Variants in ZFYVE9 observed in about 807,000 individuals in gnomAD.
The protein encoded by ZFYVE9 is zinc finger FYVE-type containing 9.
In ZFYVE9, 43 loss-of-function variants were observed where a neutral mutation model predicts 126.7. The ratio of observed to expected loss-of-function variants is 0.34; its 90% CI spans 0.27 to 0.44. The LOEUF (loss-of-function observed/expected upper bound fraction) is 0.44. Ranked by LOEUF, ZFYVE9 falls within the 20% of genes least tolerant of loss-of-function variation. The pLI is 1.00. For synonymous variants in ZFYVE9, 521 were observed against 597.4 expected (o/e 0.87, Z 1.87); for missense variants, 1,476 against 1,697.0 (o/e 0.87, Z 2.29).
intron 9 of ZFYVE9, among the ~76,000 whole-genome samples, chr1:52,280,003 A>G (rs1028463141): frequency 1.3e-5 from 2 of 152,092 alleles, no homozygotes; most frequent in East Asian, 3.9e-4. Context: ...AATGCTTGCT[A>G]CCTTCTAGGA....
chr1:52,309,996 C>A (rs139593786), intron 13 of ZFYVE9, among the ~76,000 whole-genome samples: 2 of 152,110 alleles, frequency 1.3e-5, no homozygotes, highest in Non-Finnish European at 2.9e-5. Flanking sequence ...CAGAGTCTTG[C>A]TCTCGCTCTG....
chr1:52,201,648 G>C (rs1389973619), intron 1 of ZFYVE9, among the ~76,000 whole-genome samples: 1 of 151,950 alleles, frequency 6.6e-6, no homozygotes, highest in Non-Finnish European at 1.5e-5. Context: ...CAAAGTGCTA[G>C]AATTACAGGC....
intron 8 of ZFYVE9, among the ~76,000 whole-genome samples, chr1:52,275,806 T>C (rs1443856404): frequency 2.0e-5 from 3 of 152,190 alleles, no homozygotes; most frequent in Admixed American, 6.5e-5. Flanking sequence ...TTGCCAGTTA[T>C]GTTTTTAAAC....
Position 52,238,877 on chromosome 1 carries a change from G to T in ZFYVE9, c.1460G>T (p.Gly487Val), listed in dbSNP as rs1645304723. Reference sequence around the variant, plus strand: ...GATTCCTATGGAATGCAAGACCCAGGTGTTTCTTTTGTTCCAAAGACTTTA... The same window carrying T: ...GATTCCTATGGAATGCAAGACCCAGTTGTTTCTTTTGTTCCAAAGACTTTA... ...GCDSYGMQDP[G>V]VSFVPKTLPS... is the part of the protein sequence containing the mutation. Residue 487 changes from glycine (G) to valine (V), a missense_variant, in exon 4 of 19, where the codon GGT becomes GTT. Around this residue, in one of 2 missense-constraint regions of ZFYVE9, gnomAD observed 807 missense variants for 794.6 expected, o/e 1.02. Transcript: ENST00000287727. 2 of 1,614,056 alleles carry T rather than the reference G, an allele frequency of 1.2e-6. No individual in the cohort carries two copies. Among genetic ancestry groups the T allele is most frequent in the Non-Finnish European group, 1.7e-6 (2 of 1,179,972 alleles).
chr1:52,179,775 G>C (rs1016213199), intron 1 of ZFYVE9: 2 of 473,740 alleles, frequency 4.2e-6, no homozygotes, highest in Non-Finnish European at 7.8e-6. Context: ...GTGTTCCTGT[G>C]GATAGGCTAA....
At chr1:52,187,080 A>G (rs1644772268) in intron 1 of ZFYVE9, among the ~76,000 whole-genome samples, 1 of 152,154 alleles carries the variant, frequency 6.6e-6, no homozygotes, top group African/African-American at 2.4e-5. Context: ...CTACAGTGCT[A>G]CAGTAACCAA....
At chr1:52,266,922 A>G (rs1449776342) in intron 6 of ZFYVE9, 91 bp downstream of exon 6, 1 of 1,245,038 alleles carries the variant, frequency 8.0e-7, no homozygotes, top group Non-Finnish European at 1.1e-6. Flanking sequence ...GTCTTAAAAA[A>G]CACTGCAGAT....
chr1:52,208,496 G>C (rs17107105), intron 1 of ZFYVE9, among the ~76,000 whole-genome samples: 7,069 of 147,416 alleles, frequency 0.048, 566 homozygotes, highest in African/African-American at 0.17. Flanking sequence ...AGTCTGAATT[G>C]TTCTTCTTTT....
At chr1:52,297,306 A>C (rs1285648859) in intron 12 of ZFYVE9, among the ~76,000 whole-genome samples, 6 of 149,922 alleles carry the variant, frequency 4.0e-5, no homozygotes, top group Non-Finnish European at 8.9e-5. Flanking sequence ...GCAGTGGCAC[A>C]ATCTTACTGC....
intron 13 of ZFYVE9, among the ~76,000 whole-genome samples, chr1:52,323,361 C>A (rs541601173): frequency 7.0e-4 from 106 of 152,262 alleles, no homozygotes; most frequent in African/African-American, 2.4e-3. Flanking sequence ...CTCTGTAGCA[C>A]TTGTCATTGT....
chr1:52,179,600 C>T (rs150599061), intron 1 of ZFYVE9, among the ~76,000 whole-genome samples: 216 of 151,838 alleles, frequency 1.4e-3, no homozygotes, highest in African/African-American at 4.8e-3. Context: ...TGCCACTGCA[C>T]TCCAACCTAT....
chr1:52,341,964 C>T (rs558859069), intron 17 of ZFYVE9, among the ~76,000 whole-genome samples: 1 of 152,240 alleles, frequency 6.6e-6, no homozygotes, highest in South Asian at 2.1e-4. Context: ...TTTTGCTCCC[C>T]AGTAGCAGTG....
chr1:52,238,316 C>T lies in ZFYVE9; in HGVS notation c.899C>T (p.Pro300Leu), dbSNP rs1645296544. The T allele has an allele frequency of 6.2e-7, 1 of 1,613,678 alleles. No homozygotes were observed. Among genetic ancestry groups the T allele is most frequent in the Non-Finnish European group, 8.5e-7 (1 of 1,179,906 alleles). ...DEDLTGKISS[P>L]RTDLGSPNSF... ...GACCTCACTGGCAAAATCAGCTCTC[C>T]TAGGACAGATCTAGGGAGTCCAAAT... Residue 300 changes from proline (P) to leucine (L), a missense_variant, in exon 4 of 19, where the codon CCT becomes CTT. By Grantham distance (98) the Pro-to-Leu change is moderately conservative (BLOSUM62 -3). Transcript: ENST00000287727.
At chr1:52,157,392 C>CTGT (rs1291939663) in intron 1 of ZFYVE9, among the ~76,000 whole-genome samples, 1 of 70,814 alleles carries the variant, frequency 1.4e-5, no homozygotes, top group Admixed American at 2.2e-4. Flanking sequence ...GCACCATATT[C>CTGT]TCTTTTTTTT....
intron 13 of ZFYVE9, among the ~76,000 whole-genome samples, chr1:52,316,331 A>G (rs1159289254): frequency 1.3e-5 from 2 of 150,270 alleles, no homozygotes; most frequent in African/African-American, 4.9e-5. Context: ...AGTAAACACA[A>G]AAATTAGCTG....
intron 1 of ZFYVE9, among the ~76,000 whole-genome samples, chr1:52,169,356 T>A (rs1644543344): frequency 6.6e-6 from 1 of 151,264 alleles, no homozygotes; most frequent in Non-Finnish European, 1.5e-5. Context: ...GCCATGATTG[T>A]GCCACTGCTC....
At chr1:52,247,201 C>T (rs1645395129) in intron 4 of ZFYVE9, among the ~76,000 whole-genome samples, 1 of 152,124 alleles carries the variant, frequency 6.6e-6, no homozygotes, top group East Asian at 1.9e-4. Flanking sequence ...GGCCCTCACT[C>T]AGTACCAAAT....
rs915997637 is a variant in ZFYVE9, at chr1:52,238,983, G to A, written c.1566G>A (p.Gln522=). 6 of 1,614,110 alleles carry A rather than the reference G, an allele frequency of 3.7e-6. No individual in the cohort carries two copies. Among genetic ancestry groups the A allele is most frequent in the Non-Finnish European group, 5.1e-6 (6 of 1,180,000 alleles). The part of the protein sequence containing the change: ...KSECYSNIYE[Q]RGNEATEGSG... ...AATGCTACTCAAATATTTATGAACAGAGAGGAAATGAGGCCACAGAAGGGA... is the reference window on the plus strand; with the variant it reads ...AATGCTACTCAAATATTTATGAACAAAGAGGAAATGAGGCCACAGAAGGGA... The change falls in exon 4 of 19, where the codon CAG becomes CAA. Residue 522 remains glutamine, a synonymous_variant. Transcript: ENST00000287727.
intron 1 of ZFYVE9, among the ~76,000 whole-genome samples, chr1:52,168,214 CTTTTTTTTTT>C (rs139943554): frequency 8.7e-6 from 1 of 114,986 alleles, no homozygotes; most frequent in Non-Finnish European, 1.8e-5. Flanking sequence ...TCTTCGTCTT[CTTTTTTTTTT>C]TTTTTTTTTT....
Sources: allele counts gnomAD v4.1 joint callset (sites outside exome capture counted in the v4.1 genomes callset), GRCh38; gene constraint gnomAD v4.1.1; regional missense constraint gnomAD v4.1.1; transcripts MANE v1.5; gene names NCBI Gene and HGNC (gene_info 2026-07-23, HGNC 2026-07-21).